Variants in SUGT1 observed in about 807,000 individuals in gnomAD.
SUGT1 encodes the protein SGT1 assembly cochaperone of MIS12 kinetochore complex.
SUGT1 carries 15 observed loss-of-function variants against 56.1 expected under a neutral mutation model. The observed-to-expected ratio is 0.27, with a 90% CI of 0.18 to 0.41. SUGT1 has a LOEUF of 0.41. Among genes scored for constraint, SUGT1 ranks in the 10% least tolerant of loss-of-function variants. The probability of loss-of-function intolerance (pLI) is 1.00; values close to 1 mark genes in which losing one functional copy is unlikely to be tolerated. For synonymous variants in SUGT1, 123 were observed against 128.6 expected (o/e 0.96, Z 0.30); for missense variants, 347 against 382.2 (o/e 0.91, Z 0.77).
intron 3 of SUGT1, chr13:52,657,955 C>T: frequency 2.1e-6 from 1 of 477,764 alleles, no homozygotes; most frequent in Non-Finnish European, 3.2e-6. Context: ...GGCATGGTGG[C>T]TCACGCCTGT....
chr13:52,665,796 G>A, intron 9 of SUGT1, 63 bp downstream of exon 9: 1 of 1,076,614 alleles, frequency 9.3e-7, no homozygotes, highest in Non-Finnish European at 1.4e-6. Context: ...GTATATTGCA[G>A]AATAATCGAT....
chr13:52,661,286 T>TG (rs1165358102), intron 5 of SUGT1, among the ~76,000 whole-genome samples: 22 of 151,912 alleles, frequency 1.4e-4, no homozygotes, highest in East Asian at 5.8e-4. Flanking sequence ...TGTTGTTTTT[T>TG]GGGGTTTTTT....
Position 52,665,683 on chromosome 13 carries a change from A to G in SUGT1, c.469A>G (p.Ile157Val), listed in dbSNP as rs780894803. 8 of 1,608,548 alleles carry G rather than the reference A, an allele frequency of 5.0e-6. No individual in the cohort carries two copies. In the Admixed American group the frequency reaches 5.2e-5, roughly 10 times the overall value. ...ATCTCAAGTAGTCATTACACTTATG[A>G]TCAAGAATGTTCAGAAGAATGATGT... ...TESQVVITLM[I>V]KNVQKNDVNV... Residue 157 changes from isoleucine (I) to valine (V), a missense_variant, in exon 9 of 13, where the codon ATC becomes GTC. Transcript: ENST00000310528.
At chr13:52,657,971 C>G (rs1376304818) in intron 3 of SUGT1, 2 of 637,702 alleles carry the variant, frequency 3.1e-6, no homozygotes, top group East Asian at 1.6e-4. Context: ...CCTGTAATCC[C>G]AACACTTTGG....
chr13:52,674,616 A>G (rs1367015729), intron 10 of SUGT1, among the ~76,000 whole-genome samples: 1 of 152,070 alleles, frequency 6.6e-6, no homozygotes, highest in African/African-American at 2.4e-5. Context: ...CATCTGATAA[A>G]AGATAAAAGA....
chr13:52,683,389 G>A (rs1219796036), intron 12 of SUGT1, among the ~76,000 whole-genome samples: 2 of 151,978 alleles, frequency 1.3e-5, no homozygotes, highest in Non-Finnish European at 2.9e-5. Flanking sequence ...TTCTTCCTTA[G>A]CCTGTTAATA....
At chr13:52,667,972 C>CTT (rs536634833) in intron 10 of SUGT1, among the ~76,000 whole-genome samples, 2,019 of 144,426 alleles carry the variant, frequency 0.014, 49 homozygotes, top group African/African-American at 0.049. Flanking sequence ...TCCATTACTA[C>CTT]TTTTTTTTTT....
intron 2 of SUGT1, among the ~76,000 whole-genome samples, chr13:52,653,965 G>T (rs1295918450): frequency 6.6e-6 from 1 of 152,232 alleles, no homozygotes; most frequent in Non-Finnish European, 1.5e-5. Flanking sequence ...GGAGATCTTT[G>T]AGTGGAGATT....
At chr13:52,668,100 A>C (rs1962791180) in intron 10 of SUGT1, among the ~76,000 whole-genome samples, 1 of 151,874 alleles carries the variant, frequency 6.6e-6, no homozygotes, top group Admixed American at 6.6e-5. Context: ...CTCCTGCCTC[A>C]GCCTCCTGAG....
intron 12 of SUGT1, among the ~76,000 whole-genome samples, chr13:52,681,415 C>CAA (rs201016706): frequency 1.1e-5 from 1 of 90,954 alleles, no homozygotes; most frequent in South Asian, 3.5e-4. Flanking sequence ...GACCCTGTCT[C>CAA]AAAAAAAAAA....
Position 52,687,742 on chromosome 13 carries a change from G to T in SUGT1, c.909G>T (p.Ser303=). ...KRAMNKSFME[S]GGTVLSTNWS... is the part of the protein sequence containing the mutation. ...TTTATTTTTCATTGCAGATGGAGTC[G>T]GGTGGTACAGTTTTGAGTACCAACT... Residue 303 remains serine, a synonymous_variant, in exon 13 of 13, where the codon TCG becomes TCT. Coordinates refer to ENST00000310528, the MANE Select transcript of SUGT1 (RefSeq NM_006704.5). The T allele has an allele frequency of 6.3e-7, 1 of 1,588,986 alleles. No homozygotes were observed. The highest frequency in any genetic ancestry group is 1.4e-5 in the African/African-American group (1 of 73,742).
rs1468882122 is a variant in SUGT1 at position 52,664,042 on chromosome 13, A to G, written c.407A>G (p.His136Arg). ...QNGSESEVWT[H>R]QSKIKYDWYQ... is the part of the protein sequence containing the mutation. ...AATCAATCTGCATCCCAGTGGACTC[A>G]TCAGTCAAAAATCAAGTGAGTGTTT... The change falls in exon 8 of 13, where the codon CAT becomes CGT. Residue 136 changes from histidine (H) to arginine (R), a missense_variant. Transcript: ENST00000310528. The G allele has an allele frequency of 6.2e-7, 1 of 1,613,288 alleles. No homozygotes were observed. Among genetic ancestry groups the G allele is most frequent in the South Asian group, 1.1e-5 (1 of 90,988 alleles).
intron 8 of SUGT1, among the ~76,000 whole-genome samples, chr13:52,664,767 G>C (rs772686757): frequency 2.0e-5 from 3 of 152,192 alleles, no homozygotes; most frequent in Non-Finnish European, 2.9e-5. Flanking sequence ...AAGGAACTTT[G>C]ACTTGCCCTG....
rs1964035124 is a variant in SUGT1 at position 52,699,882 on chromosome 13, T to C, written c.*12047T>C. On this transcript the variant is annotated 3_prime_UTR_variant, in exon 13 of 13. Coordinates refer to ENST00000310528, the MANE Select transcript of SUGT1 (RefSeq NM_006704.5). ...TTGCAAATGCAATGCTAGTAAAAAG[T>C]ATATAGAGGTATGTCTTTCACACTA... The C allele has an allele frequency of 6.6e-6, 1 of 152,138 alleles. No homozygotes were observed. The highest frequency in any genetic ancestry group is 1.5e-5 in the Non-Finnish European group (1 of 68,008). The allele number at this position is 152,138 out of a possible 1,614,324, so 9.4% of individuals were successfully genotyped here. A position where few individuals can be genotyped will look rare whatever the true frequency, so the allele number is the denominator to read the frequency against.
intron 5 of SUGT1, among the ~76,000 whole-genome samples, chr13:52,659,837 T>A (rs1215674935): frequency 7.7e-5 from 6 of 77,798 alleles, no homozygotes; most frequent in East Asian, 4.4e-4. Flanking sequence ...TTTTTTTTTT[T>A]TTTTTTTTTG....
rs1299696300 is a variant in SUGT1, at chr13:52,689,106, A to C, written c.*1271A>C. 1 of 152,248 alleles carries C rather than the reference A, an allele frequency of 6.6e-6. No homozygotes were observed. The highest frequency in any genetic ancestry group is 6.5e-5 in the Admixed American group (1 of 15,278). The allele number at this position is 152,248 out of a possible 1,614,324, so 9.4% of individuals were successfully genotyped here. A position where few individuals can be genotyped will look rare whatever the true frequency, so the allele number is the denominator to read the frequency against. ...CAAACGGGTCATCATTTCAGCCTCC[A>C]AAACAGTAGGAATTCAGCTCCTTCC... On this transcript the variant is annotated 3_prime_UTR_variant, in exon 13 of 13. Coordinates refer to ENST00000310528, the MANE Select transcript of SUGT1 (RefSeq NM_006704.5).
intron 12 of SUGT1, among the ~76,000 whole-genome samples, chr13:52,681,739 G>C (rs1963383660): frequency 6.6e-6 from 1 of 151,802 alleles, no homozygotes; most frequent in East Asian, 1.9e-4. Context: ...GGCGTCTGCG[G>C]CAAGAGTATT....
At position 52,694,530 on chromosome 13, in the gene SUGT1, C is replaced by G. The variant is rs150778476; in HGVS notation, c.*6695C>G. 6.6e-6 allele frequency: 1 copy of G among 152,292 alleles called. No homozygotes were observed. Among genetic ancestry groups the G allele is most frequent in the African/African-American group, 2.4e-5 (1 of 41,570 alleles). 9.4% of individuals were successfully genotyped at this position (152,292 alleles called of 1,614,324 possible). A position where few individuals can be genotyped will look rare whatever the true frequency, so the allele number is the denominator to read the frequency against. On this transcript the variant is annotated 3_prime_UTR_variant, in exon 13 of 13. Transcript: ENST00000310528. ...TAGATGTAGAATGTTAAGGAACTTTCGGAAGTTCTCTGGTTTTCATTTCAA... is the reference window on the plus strand; with the variant it reads ...TAGATGTAGAATGTTAAGGAACTTTGGGAAGTTCTCTGGTTTTCATTTCAA...
At chr13:52,687,634 T>TATA in intron 12 of SUGT1, 100 bp from the exon 13 acceptor site, 3 of 751,988 alleles carry the variant, frequency 4.0e-6, no homozygotes, top group South Asian at 2.4e-5. Flanking sequence ...CTGTATATAA[T>TATA]AGCCAATATT....
Sources: gnomAD v4.1 joint callset for allele counts (sites outside exome capture counted in the v4.1 genomes callset) on GRCh38, gnomAD v4.1.1 for gene constraint, MANE v1.5 for transcripts, NCBI Gene and HGNC (gene_info 2026-07-23, HGNC 2026-07-21) for gene names.